BANP: variants seen among roughly 807,000 people sequenced by gnomAD.
BANP encodes protein BANP.
A neutral mutation model predicts 68.1 loss-of-function variants in BANP; 11 were observed. The ratio of observed to expected loss-of-function variants is 0.16; its 90% confidence interval spans 0.10 to 0.27. The LOEUF is 0.27. Among genes scored for constraint, BANP ranks in the 10% least tolerant of loss-of-function variants. The pLI, the probability that BANP is intolerant of heterozygous loss-of-function variation, is 1.00. For synonymous variants in BANP, 329 were observed against 303.2 expected, an observed-to-expected ratio of 1.09 and a Z score of -0.88; for missense variants, 504 against 722.7, an observed-to-expected ratio of 0.70 and a Z score of 3.47.
chr16:87,961,028 T>C (rs1420140629), intron 1 of BANP, among the ~76,000 whole-genome samples: 1 of 152,200 alleles, frequency 6.6e-6, no homozygotes, highest in Non-Finnish European at 1.5e-5. Context: ...TGAACAACAT[T>C]TGCAAGAGCT....
intron 1 of BANP, among the ~76,000 whole-genome samples, chr16:87,966,094 C>G (rs1278188502): frequency 6.6e-6 from 1 of 152,204 alleles, no homozygotes; most frequent in African/African-American, 2.4e-5. Flanking sequence ...ATTTGTATGC[C>G]TTCCTTTTGC....
chr16:88,050,816 T>C (rs1342348007), intron 11 of BANP, among the ~76,000 whole-genome samples: 1 of 152,000 alleles, frequency 6.6e-6, no homozygotes, highest in Non-Finnish European at 1.5e-5. Context: ...GCCTCCCGAG[T>C]AGCTGGGACT....
chr16:87,961,544 AGTT>A (rs759639175), intron 1 of BANP, among the ~76,000 whole-genome samples: 30 of 152,232 alleles, frequency 2.0e-4, no homozygotes, highest in African/African-American at 6.0e-4. Flanking sequence ...AGGAAACTCT[AGTT>A]GTTTTCAATT....
At chr16:88,026,665 C>T (rs896800161) in intron 7 of BANP, among the ~76,000 whole-genome samples, 3 of 151,858 alleles carry the variant, frequency 2.0e-5, no homozygotes, top group African/African-American at 7.3e-5. Context: ...GTGAGGGGGA[C>T]AGAGTAACAA....
intron 4 of BANP, among the ~76,000 whole-genome samples, chr16:87,998,464 G>T (rs562308081): frequency 6.6e-6 from 1 of 151,574 alleles, no homozygotes; most frequent in African/African-American, 2.4e-5. Flanking sequence ...ATCTGCGTGG[G>T]CTGCTGTCTG....
At position 87,980,821 on chromosome 16, in the gene BANP, C is replaced by CATTA. The variant is rs2063115990; in HGVS notation, c.71-211_71-208dup. The stretch of plus-strand genomic sequence containing the variant: ...TGGAGTTAGGACTGACTCAGTGGCA[C>CATTA]ATTAATTGCCCAGTGTCTGGGCTTT... On this transcript the variant is annotated intron_variant, in intron 2 of 13. Transcript: ENST00000682872. The CATTA allele has an allele frequency of 5.6e-6, 3 of 538,250 alleles. No homozygotes were observed. In the South Asian group the frequency reaches 6.2e-5, roughly 11 times the overall value. 33.3% of individuals were successfully genotyped at this position (538,250 alleles called of 1,614,324 possible).
chr16:87,988,072 A>G (rs1389633841), intron 4 of BANP, among the ~76,000 whole-genome samples: 1 of 152,242 alleles, frequency 6.6e-6, no homozygotes, highest in Non-Finnish European at 1.5e-5. Context: ...AATAACAGAT[A>G]AGAACATAAT....
chr16:88,059,230 C>T (rs1011520604), intron 11 of BANP, among the ~76,000 whole-genome samples: 5 of 87,176 alleles, frequency 5.7e-5, no homozygotes, highest in African/African-American at 1.3e-4. Flanking sequence ...GGAGGCTCTG[C>T]TGTAAGGGCA....
At chr16:88,047,425 A>T (rs1302096624) in intron 11 of BANP, among the ~76,000 whole-genome samples, 1 of 152,218 alleles carries the variant, frequency 6.6e-6, no homozygotes, top group African/African-American at 2.4e-5. Flanking sequence ...CCCCCAAACC[A>T]GGAAGCTGAG....
In BANP at chr16:88,002,934, CG is replaced by C. The variant is rs35333866; in HGVS notation, c.363-1357del. Among the ~76,000 whole-genome samples, 315 of 152,120 alleles carry C rather than the reference CG, an allele frequency of 2.1e-3. 1 individual carries two copies. The highest frequency in any genetic ancestry group is 3.7e-3 in the Non-Finnish European group (249 of 67,982). Reference sequence around the variant, plus strand: ...TGGACATGCTGTGAGCCTAGGATCCCGGGGACACCAGCCTTCCCACATGCTG... The same window carrying C: ...TGGACATGCTGTGAGCCTAGGATCCCGGGACACCAGCCTTCCCACATGCTG... On this transcript the variant is annotated intron_variant, in intron 4 of 13. Transcript: ENST00000682872. This position sits in a 1 kb window ranked among gnomAD's most constrained non-coding sequence, Gnocchi z 4.6.
chr16:87,989,837 A>AT (rs1258250082), intron 4 of BANP, among the ~76,000 whole-genome samples: 1 of 103,288 alleles, frequency 9.7e-6, no homozygotes, highest in Non-Finnish European at 1.9e-5. Context: ...GTGATGGGGG[A>AT]TGCAGGCCCG....
At chr16:87,971,103 C>G (rs918764598) in intron 1 of BANP, among the ~76,000 whole-genome samples, 1 of 151,436 alleles carries the variant, frequency 6.6e-6, no homozygotes, top group South Asian at 2.1e-4. Flanking sequence ...GAAAATTGCT[C>G]AGAAAGAACT....
intron 6 of BANP, among the ~76,000 whole-genome samples, chr16:88,015,375 G>A (rs115750170): frequency 0.015 from 2,279 of 152,234 alleles, 52 homozygotes; most frequent in African/African-American, 0.048. Context: ...AGTTCAGCTC[G>A]GACCACGCTG....
intron 6 of BANP, among the ~76,000 whole-genome samples, chr16:88,007,809 G>C (rs1410084265): frequency 2.0e-5 from 3 of 151,244 alleles, no homozygotes; most frequent in Non-Finnish European, 4.4e-5. Flanking sequence ...CTAGGATTCA[G>C]ATGGCAGAAT....
rs542471187 is a variant in BANP, at chr16:88,075,302, C to T, written c.1522-1288C>T. On this transcript the variant is annotated intron_variant, in intron 13 of 13. Transcript: ENST00000682872. ...CGGAGGTTGCAATGAGTCGAGATTG[C>T]GCCACTGTGCTCCAGCCTAGGTGAC... Among the ~76,000 whole-genome samples, 9 of 152,274 alleles carry T rather than the reference C, an allele frequency of 5.9e-5. No individual in the cohort carries two copies. In the East Asian group the frequency reaches 9.6e-4, roughly 16 times the overall value.
At chr16:88,015,310 C>A in intron 6 of BANP, among the ~76,000 whole-genome samples, 1 of 149,180 alleles carries the variant, frequency 6.7e-6, no homozygotes, top group South Asian at 2.2e-4. Flanking sequence ...TCTGCCCGTG[C>A]CCCCTCAGCT....
chr16:87,997,588 T>C (rs780079683), intron 4 of BANP, among the ~76,000 whole-genome samples: 2 of 147,188 alleles, frequency 1.4e-5, no homozygotes, highest in Non-Finnish European at 3.0e-5. Flanking sequence ...CGTGGTAAAG[T>C]GGGTAAAATA....
chr16:88,066,315 G>A (rs1298559158), intron 12 of BANP, among the ~76,000 whole-genome samples: 1 of 152,198 alleles, frequency 6.6e-6, no homozygotes, highest in East Asian at 1.9e-4. Flanking sequence ...CACCCCTGAG[G>A]CTGACATTAC....
In BANP at chr16:88,018,807, G is replaced by C; in HGVS notation, c.895+140G>C. ...AGGCGGTTTGAAATCTCAGCCCGAG[G>C]ATCAGTGCTCGAGGGGATGGATGAG... On this transcript the variant is annotated intron_variant, in intron 7 of 13. Coordinates refer to ENST00000682872, the MANE Select transcript of BANP (RefSeq NM_001386991.1). The surrounding 1 kb of genome is among the most constrained non-coding windows in gnomAD (Gnocchi z 7.7). The C allele has an allele frequency of 1.7e-6, 2 of 1,172,154 alleles. No individual in the cohort carries two copies. The highest frequency in any genetic ancestry group is 2.4e-6 in the Non-Finnish European group (2 of 847,544). The allele number at this position is 1,172,154 out of a possible 1,614,324, so 72.6% of individuals were successfully genotyped here. A position where few individuals can be genotyped will look rare whatever the true frequency, so the allele number is the denominator to read the frequency against.
Sources: gnomAD v4.1 joint callset for allele counts (sites outside exome capture counted in the v4.1 genomes callset) on GRCh38, gnomAD v4.1.1 for gene constraint, Gnocchi (gnomAD v3.1) non-coding constraint, MANE v1.5 for transcripts, NCBI Gene and HGNC (gene_info 2026-07-23, HGNC 2026-07-21) for gene names.